Variants in CLNK observed in about 807,000 individuals in gnomAD.
CLNK encodes the protein cytokine dependent hematopoietic cell linker, also known as cytokine-dependent hematopoietic cell linker.
A neutral mutation model predicts 68.6 loss-of-function variants in CLNK; 74 were observed. The ratio of observed to expected loss-of-function variants is 1.08; its 90% CI spans 0.89 to 1.31. CLNK has a LOEUF of 1.31. Among genes scored for constraint, CLNK ranks in the 50% most tolerant of loss-of-function variants. The probability of loss-of-function intolerance (pLI) is 0.00; values close to 1 mark genes in which losing one functional copy is unlikely to be tolerated. For synonymous variants in CLNK, 198 were observed against 172.2 expected, an observed-to-expected ratio of 1.15 and a Z score of -1.17; for missense variants, 553 against 515.3, an observed-to-expected ratio of 1.07 and a Z score of -0.71.
At chr4:10,728,579 C>CCTTTCTTT in the CLNK span, among the ~76,000 whole-genome samples, 401 of 104,170 alleles carry the variant, frequency 3.8e-3, 3 homozygotes, top group African/African-American at 0.014. Flanking sequence ...TGTGATGTAT[C>CCTTTCTTT]CTTTCTTTCT....
chr4:10,534,128 A>T (rs936063628), intron 11 of CLNK, among the ~76,000 whole-genome samples: 2 of 152,190 alleles, frequency 1.3e-5, no homozygotes, highest in Non-Finnish European at 2.9e-5. Context: ...GTTTGGATAA[A>T]ATCACCTGAT....
At chr4:10,520,208 G>T (rs1028366176) in intron 15 of CLNK, among the ~76,000 whole-genome samples, 1 of 152,336 alleles carries the variant, frequency 6.6e-6, no homozygotes. Flanking sequence ...ATAGAACTCT[G>T]TATTTATATG....
At chr4:10,546,986 T>C (rs1213941089) in intron 8 of CLNK, among the ~76,000 whole-genome samples, 2 of 152,092 alleles carry the variant, frequency 1.3e-5, no homozygotes. Context: ...AAGCCACCAG[T>C]TCCCCTTCCA....
chr4:10,501,198 C>T, intron 18 of CLNK, 58 bp downstream of exon 18: 5 of 1,496,994 alleles, frequency 3.3e-6, no homozygotes, highest in Middle Eastern at 1.9e-4. Flanking sequence ...ATCCCCCAAA[C>T]TCTTCCTTTA....
intron 2 of CLNK, among the ~76,000 whole-genome samples, chr4:10,649,463 C>T (rs909552525): frequency 6.6e-6 from 1 of 152,066 alleles, no homozygotes; most frequent in African/African-American, 2.4e-5. Flanking sequence ...ATTTTCATGG[C>T]CTGGCAGAAC....
At chr4:10,666,045 A>G (rs1724383150) in intron 2 of CLNK, among the ~76,000 whole-genome samples, 1 of 152,212 alleles carries the variant, frequency 6.6e-6, no homozygotes, top group African/African-American at 2.4e-5. Flanking sequence ...AAATATGGCC[A>G]GAGAGGAGAA....
intron 15 of CLNK, among the ~76,000 whole-genome samples, chr4:10,515,390 A>T (rs1717787633): frequency 6.6e-6 from 1 of 152,058 alleles, no homozygotes; most frequent in Non-Finnish European, 1.5e-5. Flanking sequence ...TTCTGTGTGT[A>T]ATGAACTCTG....
intron 2 of CLNK, among the ~76,000 whole-genome samples, chr4:10,660,921 A>G (rs116454422): frequency 2.0e-5 from 3 of 152,176 alleles, no homozygotes; most frequent in African/African-American, 7.2e-5. Context: ...ACGAAGCTGA[A>G]TCCTACCTAT....
intron 3 of CLNK, among the ~76,000 whole-genome samples, chr4:10,597,716 G>T (rs985669867): frequency 6.6e-6 from 1 of 152,160 alleles, no homozygotes. Flanking sequence ...GTTGTTTAGA[G>T]ACCTGGGAGG....
At chr4:10,713,404 C>T in the CLNK span, among the ~76,000 whole-genome samples, 1 of 152,050 alleles carries the variant, frequency 6.6e-6, no homozygotes, top group Non-Finnish European at 1.5e-5. Context: ...AATCTTAACT[C>T]CTGTCCAAGA....
chr4:10,593,505 C>G (rs1035718706), intron 3 of CLNK, among the ~76,000 whole-genome samples: 2 of 151,952 alleles, frequency 1.3e-5, no homozygotes, highest in East Asian at 3.9e-4. Context: ...AAATACAAAA[C>G]TTGCTGGGCG....
chr4:10,728,656 T>C, the CLNK span, among the ~76,000 whole-genome samples: 2 of 150,072 alleles, frequency 1.3e-5, no homozygotes, highest in African/African-American at 4.9e-5. Context: ...CAGGCTGGAG[T>C]GCATTGGCGC....
intron 2 of CLNK, among the ~76,000 whole-genome samples, chr4:10,650,354 G>C (rs1410243712): frequency 1.3e-5 from 2 of 151,982 alleles, no homozygotes; most frequent in African/African-American, 4.8e-5. Flanking sequence ...TAATGACAGA[G>C]TACTGAGAAA....
At chr4:10,623,882 AC>A (rs1465943150) in intron 2 of CLNK, among the ~76,000 whole-genome samples, 4 of 152,378 alleles carry the variant, frequency 2.6e-5, no homozygotes, top group African/African-American at 9.6e-5. Flanking sequence ...CTTCTCTTAA[AC>A]GGTAAGAAAT....
chr4:10,546,105 A>G (rs1180304223), intron 8 of CLNK, among the ~76,000 whole-genome samples: 1 of 152,208 alleles, frequency 6.6e-6, no homozygotes, highest in East Asian at 1.9e-4. Context: ...CTTGAGGGAT[A>G]GCATCTAGCC....
upstream of CLNK, among the ~76,000 whole-genome samples, chr4:10,688,341 G>T (rs1170714749): frequency 6.6e-6 from 1 of 152,076 alleles, no homozygotes; most frequent in East Asian, 1.9e-4. Context: ...GTCTACTCAA[G>T]GCATGAAACT....
upstream of CLNK, among the ~76,000 whole-genome samples, chr4:10,689,745 ATTTTT>A (rs71651341): frequency 1.0e-5 from 1 of 100,082 alleles, no homozygotes. Flanking sequence ...AAACCCATGC[ATTTTT>A]TTTTTTTTTT....
At chr4:10,688,719 C>A (rs568649990), upstream of CLNK, among the ~76,000 whole-genome samples, 3 of 152,242 alleles carry the variant, frequency 2.0e-5, no homozygotes, top group East Asian at 5.8e-4. Flanking sequence ...TAAGAATACA[C>A]AGGTGTAACA....
intron 3 of CLNK, among the ~76,000 whole-genome samples, chr4:10,587,817 C>G (rs1054364099): frequency 6.6e-6 from 1 of 152,188 alleles, no homozygotes; most frequent in Non-Finnish European, 1.5e-5. Context: ...CCGGTCCCTA[C>G]TGTCTCCCCT....
Sources: allele counts gnomAD v4.1 joint callset (sites outside exome capture counted in the v4.1 genomes callset), GRCh38; gene constraint gnomAD v4.1.1; transcripts MANE v1.5; gene names NCBI Gene and HGNC (gene_info 2026-07-23, HGNC 2026-07-21).